The following SBF2 variants were observed in gnomAD, a reference collection of about 807,000 sequenced individuals.
The protein encoded by SBF2 is myotubularin-related protein 13.
Under a neutral mutation model 225.2 loss-of-function variants are expected in SBF2, and 112 were observed. The ratio of observed to expected loss-of-function variants is 0.50; its 90% CI spans 0.43 to 0.58. SBF2 has a LOEUF of 0.58. Among genes scored for constraint, SBF2 ranks in the 20% least tolerant of loss-of-function variants. The pLI, the probability that SBF2 is intolerant of heterozygous loss-of-function variation, is 0.00. For synonymous variants in SBF2, 763 were observed against 773.3 expected (o/e 0.99, Z 0.22); for missense variants, 1,996 against 2,206.2 (o/e 0.90, Z 1.91).
chr11:9,812,600 T>C lies in SBF2; in HGVS notation c.4087A>G (p.Ser1363Gly). ...ACTTCTGAGTCAGTAGGGATGGTGC[T>C]TGGGATACAAGCCCTCATCAGCTTC... ...FKKLMRACIP[S>G]TIPTDSEVTF... The change falls in exon 30 of 40, where the codon AGC (serine) becomes GGC (glycine). Residue 1363 changes from serine (S) to glycine (G), a missense_variant. Ser to Gly is a moderately conservative substitution (Grantham distance 56). Transcript: ENST00000256190. The C allele has an allele frequency of 2.5e-6, 4 of 1,614,210 alleles. No homozygotes were observed. The highest frequency in any genetic ancestry group is 3.4e-6 in the Non-Finnish European group (4 of 1,180,026).
At chr11:10,057,696 G>T (rs1046183357) in intron 2 of SBF2, among the ~76,000 whole-genome samples, 1 of 152,084 alleles carries the variant, frequency 6.6e-6, no homozygotes, top group Admixed American at 6.6e-5. Flanking sequence ...AGTTGCAGTG[G>T]GCAGCCCAGG....
intron 16 of SBF2, among the ~76,000 whole-genome samples, chr11:9,902,020 A>G (rs1861760324): frequency 6.6e-6 from 1 of 152,218 alleles, no homozygotes; most frequent in Non-Finnish European, 1.5e-5. Context: ...AAGACCCTGA[A>G]GGAAATCAAA....
At chr11:9,934,348 C>T (rs1003595354) in intron 16 of SBF2, among the ~76,000 whole-genome samples, 2 of 152,242 alleles carry the variant, frequency 1.3e-5, no homozygotes, top group Non-Finnish European at 1.5e-5. Flanking sequence ...CAGAAGCAGA[C>T]GGATTCACAA....
In SBF2 at chr11:9,961,830, A is replaced by G. The variant is rs749676643; in HGVS notation, c.1860+127T>C. Reference sequence around the variant, plus strand: ...AAAGTATTTGACAGAAATGATAGAGATACTGACGCTTCATCCTATTAGCTG... The same window carrying G: ...AAAGTATTTGACAGAAATGATAGAGGTACTGACGCTTCATCCTATTAGCTG... On this transcript the variant is annotated intron_variant, in intron 16 of 39. Coordinates refer to ENST00000256190, the MANE Select transcript of SBF2 (RefSeq NM_030962.4). 1.4e-5 allele frequency: 10 copies of G among 724,666 alleles called. No individual in the cohort carries two copies. In the Admixed American group the frequency reaches 1.9e-4, roughly 14 times the overall value. 44.9% of individuals were successfully genotyped at this position (724,666 alleles called of 1,614,324 possible).
intron 2 of SBF2, among the ~76,000 whole-genome samples, chr11:10,056,308 T>C (rs1435250926): frequency 2.0e-5 from 3 of 152,226 alleles, no homozygotes; most frequent in Admixed American, 2.0e-4. Context: ...AGGAATAGCA[T>C]TGAATCTGTA....
At chr11:9,972,040 T>A (rs1695913322) in intron 13 of SBF2, among the ~76,000 whole-genome samples, 1 of 152,166 alleles carries the variant, frequency 6.6e-6, no homozygotes, top group African/African-American at 2.4e-5. Context: ...AGAGGTAGTA[T>A]AACAAAGTAT....
chr11:10,079,660 C>T (rs541099481), intron 2 of SBF2, among the ~76,000 whole-genome samples: 2 of 152,202 alleles, frequency 1.3e-5, no homozygotes, highest in East Asian at 3.9e-4. Context: ...AGTTTGGACA[C>T]CTGATTTGAG....
chr11:10,173,469 G>T (rs957509675), intron 2 of SBF2, among the ~76,000 whole-genome samples: 1 of 152,208 alleles, frequency 6.6e-6, no homozygotes, highest in Non-Finnish European at 1.5e-5. Context: ...AAAAAACGCC[G>T]CACCAGGAGA....
chr11:10,061,305 C>G (rs1174988154), intron 2 of SBF2, among the ~76,000 whole-genome samples: 1 of 152,120 alleles, frequency 6.6e-6, no homozygotes, highest in African/African-American at 2.4e-5. Flanking sequence ...GACAAGGATG[C>G]CCTCTCTCAC....
intron 2 of SBF2, among the ~76,000 whole-genome samples, chr11:10,071,292 A>C (rs1468324251): frequency 6.3e-5 from 6 of 95,122 alleles, no homozygotes; most frequent in Non-Finnish European, 1.2e-4. Context: ...TTTGAGAGGG[A>C]GTCTCACTCT....
chr11:10,267,174 T>C (rs530764644), intron 1 of SBF2, among the ~76,000 whole-genome samples: 1 of 152,282 alleles, frequency 6.6e-6, no homozygotes, highest in African/African-American at 2.4e-5. Flanking sequence ...ACTTCCTCCA[T>C]CCTCCTACTT....
intron 17 of SBF2, among the ~76,000 whole-genome samples, chr11:9,876,160 G>A (rs1174738053): frequency 6.6e-6 from 1 of 152,072 alleles, no homozygotes; most frequent in African/African-American, 2.4e-5. Context: ...AGTTGAACGA[G>A]TTGAATGCTC....
chr11:9,964,485 C>T (rs1426469151), intron 14 of SBF2, among the ~76,000 whole-genome samples: 1 of 152,120 alleles, frequency 6.6e-6, no homozygotes, highest in Non-Finnish European at 1.5e-5. Flanking sequence ...CTATTTTAAA[C>T]TTTGTTTACA....
intron 6 of SBF2, among the ~76,000 whole-genome samples, chr11:10,003,688 T>C (rs962187306): frequency 6.6e-6 from 1 of 151,976 alleles, no homozygotes; most frequent in African/African-American, 2.4e-5. Context: ...TTTTCTATCT[T>C]CTCTTTTTTC....
chr11:10,005,720 G>A (rs1329700493), intron 6 of SBF2, among the ~76,000 whole-genome samples: 2 of 152,210 alleles, frequency 1.3e-5, no homozygotes, highest in Middle Eastern at 3.4e-3. Flanking sequence ...ATACTTTGGT[G>A]CCACGTGACT....
intron 1 of SBF2, among the ~76,000 whole-genome samples, chr11:10,246,886 G>A (rs2135476217): frequency 6.6e-6 from 1 of 152,148 alleles, no homozygotes; most frequent in Middle Eastern, 3.4e-3. Flanking sequence ...ACCAGCCTGG[G>A]CACCATAGTG....
chr11:9,838,635 C>CT (rs1855890211), intron 26 of SBF2: 1 of 152,170 alleles, frequency 6.6e-6, no homozygotes, highest in South Asian at 2.1e-4. Context: ...AATGACATAT[C>CT]TATCTTCAAG....
At chr11:9,840,781 T>C (rs544890075) in intron 25 of SBF2, among the ~76,000 whole-genome samples, 4 of 152,340 alleles carry the variant, frequency 2.6e-5, no homozygotes, top group South Asian at 4.1e-4. Context: ...ACTTTTTTCC[T>C]GGAAATATTT....
At chr11:10,258,081 T>TACACACACATAC (rs1555098202) in intron 1 of SBF2, among the ~76,000 whole-genome samples, 20 of 138,956 alleles carry the variant, frequency 1.4e-4, no homozygotes, top group African/African-American at 5.1e-4. Flanking sequence ...TACACACACA[T>TACACACACATAC]ACACACACAC....
Sources: gnomAD v4.1 joint callset for allele counts (sites outside exome capture counted in the v4.1 genomes callset) on GRCh38, gnomAD v4.1.1 for gene constraint, MANE v1.5 for transcripts, NCBI Gene and HGNC (gene_info 2026-07-23, HGNC 2026-07-21) for gene names.